Variants in FRMD4B observed in about 807,000 individuals in gnomAD.
FRMD4B encodes the protein FERM domain containing 4B, also known as FERM domain-containing protein 4B.
Under a neutral mutation model 141.5 loss-of-function variants are expected in FRMD4B, and 74 were observed. That is an observed-to-expected ratio of 0.52 (90% CI 0.43 to 0.63). FRMD4B has a LOEUF of 0.63. Ranked by LOEUF, FRMD4B falls within the 30% of genes least tolerant of loss-of-function variation. The pLI, the probability that FRMD4B is intolerant of heterozygous loss-of-function variation, is 0.00. For missense variants in FRMD4B, 1,366 were observed against 1,253.4 expected (o/e 1.09, Z -1.36); for synonymous variants, 506 against 467.9 (o/e 1.08, Z -1.05).
chr3:69,407,747 A>C (rs1215116702), intron 2 of FRMD4B, among the ~76,000 whole-genome samples: 2 of 152,088 alleles, frequency 1.3e-5, no homozygotes, highest in African/African-American at 2.4e-5. Flanking sequence ...AAAGAGTGCT[A>C]TGATTGATCA....
rs933950104 is a variant in FRMD4B at position 69,365,514 on chromosome 3, C to CT, written c.162+20313dup. On this transcript the variant is annotated intron_variant, in intron 1 of 22. Transcript: ENST00000398540. ...AATAGATACAACCTTTGTTTTTTTT[C>CT]TTTTTTTTGAGATGGAGTCTTGCTC... is the stretch of plus-strand genomic sequence containing the variant. Among the ~76,000 whole-genome samples the CT allele has an allele frequency of 6.0e-5, 9 of 150,888 alleles. No individual in the cohort carries two copies. In the East Asian group the frequency reaches 1.2e-3, roughly 20 times the overall value.
chr3:69,453,347 T>G (rs1240776171), intron 1 of FRMD4B, among the ~76,000 whole-genome samples: 1 of 152,234 alleles, frequency 6.6e-6, no homozygotes, highest in Non-Finnish European at 1.5e-5. Flanking sequence ...CATTTGGTCC[T>G]TACTCTCTGA....
intron 1 of FRMD4B, among the ~76,000 whole-genome samples, chr3:69,351,831 G>C (rs1170987495): frequency 6.6e-6 from 1 of 152,194 alleles, no homozygotes; most frequent in Admixed American, 6.5e-5. Context: ...AGAATGAGGA[G>C]ATTGGACAAA....
chr3:69,292,891 C>T (rs1700919243), intron 4 of FRMD4B: 8 of 163,352 alleles, frequency 4.9e-5, no homozygotes, highest in South Asian at 1.5e-4. Flanking sequence ...CTAAGGTTTT[C>T]TTAAGTTGAA....
chr3:69,176,390 T>C, intron 22 of FRMD4B, 134 bp downstream of exon 22: 1 of 692,066 alleles, frequency 1.4e-6, no homozygotes, highest in Non-Finnish European at 2.6e-6. Context: ...CCAAAACAGA[T>C]GGCAGCTGGA....
At chr3:69,389,800 A>G (rs1704341114), upstream of FRMD4B, among the ~76,000 whole-genome samples, 1 of 152,214 alleles carries the variant, frequency 6.6e-6, no homozygotes, top group Non-Finnish European at 1.5e-5. Flanking sequence ...GACTAGCCAC[A>G]TGGGACTAAC....
intron 19 of FRMD4B, among the ~76,000 whole-genome samples, chr3:69,183,469 A>G (rs2092730241): frequency 6.8e-6 from 1 of 146,720 alleles, no homozygotes; most frequent in African/African-American, 2.6e-5. Flanking sequence ...CACAATTAGA[A>G]GTTAATTTTT....
intron 5 of FRMD4B, among the ~76,000 whole-genome samples, chr3:69,285,366 T>C (rs13063380): frequency 0.13 from 19,029 of 146,712 alleles, 1,624 homozygotes; most frequent in East Asian, 0.27. Context: ...GTATGTGTAA[T>C]TGGGCTTTGC....
At chr3:69,313,352 T>C (rs1701668630) in intron 2 of FRMD4B, 100 bp downstream of exon 2, 1 of 763,116 alleles carries the variant, frequency 1.3e-6, no homozygotes, top group African/African-American at 1.7e-5. Context: ...GAATACAGAC[T>C]ATGAGGCTCA....
At chr3:69,264,815 C>T (rs1271197053) in intron 5 of FRMD4B, among the ~76,000 whole-genome samples, 4 of 152,248 alleles carry the variant, frequency 2.6e-5, no homozygotes, top group African/African-American at 4.8e-5. Flanking sequence ...GTGTGTATCA[C>T]AGTTTCAAAG....
intron 1 of FRMD4B, among the ~76,000 whole-genome samples, chr3:69,440,361 T>C (rs1181864549): frequency 6.6e-6 from 1 of 152,242 alleles, no homozygotes; most frequent in Non-Finnish European, 1.5e-5. Flanking sequence ...GAAAGAACCA[T>C]ATTTGTTTAG....
rs144489759 is a variant in FRMD4B at position 69,225,694 on chromosome 3, C to CA, written c.582-1005dup. 3.2e-3 allele frequency among the ~76,000 whole-genome samples: 74 copies of CA among 23,358 alleles called. 7 individuals carry two copies. Among genetic ancestry groups the CA allele is most frequent in the African/African-American group, 0.011 (59 of 5,434 alleles). The allele number at this position is 23,358 out of a possible 152,430, so 15.3% of individuals were successfully genotyped here. A position where few individuals can be genotyped will look rare whatever the true frequency, so the allele number is the denominator to read the frequency against. On this transcript the variant is annotated intron_variant, in intron 7 of 22. Transcript: ENST00000398540. The stretch of plus-strand genomic sequence containing the variant: ...TTGGCGACAGAGCAAGACTCCGTCT[C>CA]AAAAAAAAAAAAAAAAAAAAAAAAA...
chr3:69,426,321 CGTGTGT>C lies in FRMD4B; in HGVS notation c.-1+6307_-1+6312del, dbSNP rs55653336. On this transcript the variant is annotated intron_variant, in intron 2 of 5. Coordinates refer to the FRMD4B transcript ENST00000459638. Reference sequence around the variant, plus strand: ...TGGATTTGAAACAAACTTTTAAAAGCGTGTGTGTGTGTGTGTGTGTGCATGTGTGTG... The same window carrying C: ...TGGATTTGAAACAAACTTTTAAAAGCGTGTGTGTGTGTGTGCATGTGTGTG... Among the ~76,000 whole-genome samples the C allele has an allele frequency of 5.7e-3, 853 of 149,814 alleles. 28 individuals are homozygous for C. The East Asian group carries it at 0.097, about 17-fold the overall frequency.
intron 1 of FRMD4B, among the ~76,000 whole-genome samples, chr3:69,457,279 A>C (rs1705635070): frequency 6.6e-6 from 1 of 152,224 alleles, no homozygotes; most frequent in African/African-American, 2.4e-5. Context: ...CAGGACTGAA[A>C]GGAAAAAAAG....
chr3:69,222,465 C>T (rs1195906110), intron 8 of FRMD4B, among the ~76,000 whole-genome samples: 118 of 51,604 alleles, frequency 2.3e-3, no homozygotes, highest in Admixed American at 5.0e-3. Flanking sequence ...GAAAATCCAT[C>T]TCAAAAAAAA....
Position 69,522,096 on chromosome 3 carries a change from C to G in FRMD4B, c.-129+20110G>C, listed in dbSNP as rs74320836. Among the ~76,000 whole-genome samples, 480 of 152,142 alleles carry G rather than the reference C, an allele frequency of 3.2e-3. 5 individuals are homozygous for G. Among genetic ancestry groups the G allele is most frequent in the African/African-American group, 0.011 (452 of 41,494 alleles). On this transcript the variant is annotated intron_variant, in intron 1 of 5. Coordinates refer to the FRMD4B transcript ENST00000459638. ...TGTTCTGACTCAGATTCTTCGGATA[C>G]AGTAAGGCCTTAGGGTCAAAGACTG... is the stretch of plus-strand genomic sequence containing the variant.
chr3:69,217,476 G>C (rs1379342833), intron 10 of FRMD4B, among the ~76,000 whole-genome samples: 1 of 152,036 alleles, frequency 6.6e-6, no homozygotes, highest in African/African-American at 2.4e-5. Flanking sequence ...CAAAAAATGA[G>C]CCAGCTGTGG....
chr3:69,172,609 T>C (rs1031050784), intron 22 of FRMD4B, among the ~76,000 whole-genome samples: 1 of 152,212 alleles, frequency 6.6e-6, no homozygotes, highest in African/African-American at 2.4e-5. Flanking sequence ...CAAAATAATA[T>C]ATTTAGAAGG....
chr3:69,250,501 AT>A (rs896765880), intron 5 of FRMD4B, among the ~76,000 whole-genome samples: 6 of 151,934 alleles, frequency 3.9e-5, no homozygotes, highest in East Asian at 1.9e-4. Flanking sequence ...TCCTGGGATA[AT>A]TTTTTTCCCC....
Sources: allele counts gnomAD v4.1 joint callset (sites outside exome capture counted in the v4.1 genomes callset), GRCh38; gene constraint gnomAD v4.1.1; transcripts MANE v1.5; gene names NCBI Gene and HGNC (gene_info 2026-07-23, HGNC 2026-07-21).